Variants in EVC2 observed in about 807,000 individuals in gnomAD.
EVC2 encodes EvC ciliary complex subunit 2, also known as limbin.
In EVC2, 148 loss-of-function variants were observed where a neutral mutation model predicts 149.3. The observed-to-expected ratio is 0.99, with a 90% confidence interval of 0.87 to 1.14. The LOEUF (loss-of-function observed/expected upper bound fraction) is 1.14, where lower values mean the gene tolerates loss of function less well. EVC2 is among the 50% of genes most tolerant of loss of function. The pLI is 0.00. For missense variants in EVC2, 1,854 were observed against 1,627.3 expected (o/e 1.14, Z -2.40); for synonymous variants, 776 against 649.9 (o/e 1.19, Z -2.95).
At chr4:5,584,026 A>G (rs183295098) in intron 17 of EVC2, among the ~76,000 whole-genome samples, 5 of 152,216 alleles carry the variant, frequency 3.3e-5, no homozygotes, top group East Asian at 1.9e-4. Context: ...GAGCATGTCT[A>G]TTTACAACTT....
At chr4:5,535,507 TG>T in the EVC2 span, among the ~76,000 whole-genome samples, 1 of 151,732 alleles carries the variant, frequency 6.6e-6, no homozygotes, top group African/African-American at 2.4e-5. The surrounding 1 kb of genome is among the most constrained non-coding windows in gnomAD (Gnocchi z 4.7). Flanking sequence ...ACAGACTGGG[TG>T]GCTGAAACAA....
chr4:5,599,878 A>G (rs1000489307), intron 16 of EVC2, among the ~76,000 whole-genome samples: 2 of 152,188 alleles, frequency 1.3e-5, no homozygotes, highest in Admixed American at 1.3e-4. Flanking sequence ...ATCAGGAGGA[A>G]AGTAGATTCA....
chr4:5,576,336 T>A lies in EVC2; in HGVS notation c.3176A>T (p.Asn1059Ile). The part of the protein sequence containing the change: ...QWVADGPGIL[N>I]EPGEVDSERQ... The stretch of plus-strand genomic sequence containing the variant: ...TTCAGAATCCACCTCCCCAGGTTCG[T>A]TCAGAATCCCGGGCCCATCGGCCAC... The change falls in exon 18 of 22, where the codon AAC becomes ATC. Residue 1059 changes from asparagine (N) to isoleucine (I), a missense_variant. Physicochemically the swap from Asn to Ile is moderately radical, Grantham distance 149. Transcript: ENST00000344408. The surrounding 1 kb of genome is among the most constrained non-coding windows in gnomAD (Gnocchi z 4.5). The A allele has an allele frequency of 6.2e-7, 1 of 1,614,184 alleles. No homozygotes were observed. The highest frequency in any genetic ancestry group is 8.5e-7 in the Non-Finnish European group (1 of 1,180,034).
At chr4:5,620,772 C>A (rs900741987) in intron 14 of EVC2, among the ~76,000 whole-genome samples, 2 of 152,162 alleles carry the variant, frequency 1.3e-5, no homozygotes, top group African/African-American at 2.4e-5. Flanking sequence ...TAGTAACACT[C>A]CCTGCAAAAC....
At position 5,657,276 on chromosome 4, in the gene EVC2, T is replaced by C. The variant is rs956506106; in HGVS notation, c.1145+5831A>G. The stretch of plus-strand genomic sequence containing the variant: ...TCTGCTGTCCTCACCTTGAACTTCA[T>C]TGAGAAGCATCTGACAGGTTCATCC... On this transcript the variant is annotated intron_variant, in intron 9 of 21. Transcript: ENST00000344408. The surrounding 1 kb of genome is among the most constrained non-coding windows in gnomAD (Gnocchi z 4.7). Among the ~76,000 whole-genome samples, 1 of 152,132 alleles carries C rather than the reference T, an allele frequency of 6.6e-6. No individual in the cohort carries two copies. Among genetic ancestry groups the C allele is most frequent in the Non-Finnish European group, 1.5e-5 (1 of 68,030 alleles).
rs1418801263 is a variant in EVC2 at position 5,613,569 on chromosome 4, A to G, written c.2829+1853T>C. On this transcript the variant is annotated intron_variant, in intron 16 of 21. Coordinates refer to ENST00000344408, the MANE Select transcript of EVC2 (RefSeq NM_147127.5). The surrounding 1 kb of genome is among the most constrained non-coding windows in gnomAD (Gnocchi z 4.6). ...GGAATAAACTGGGACAGCTTGGCTTACCTCTCTCGCTTCTCTTTGGGACCC... is the reference window on the plus strand; with the variant it reads ...GGAATAAACTGGGACAGCTTGGCTTGCCTCTCTCGCTTCTCTTTGGGACCC... 6.6e-6 allele frequency among the ~76,000 whole-genome samples: 1 copy of G among 151,924 alleles called. No individual in the cohort carries two copies. Among genetic ancestry groups the G allele is most frequent in the African/African-American group, 2.4e-5 (1 of 41,368 alleles).
At chr4:5,600,561 A>G (rs529507649) in intron 16 of EVC2, among the ~76,000 whole-genome samples, 1 of 152,296 alleles carries the variant, frequency 6.6e-6, no homozygotes, top group African/African-American at 2.4e-5. Context: ...TGAGAGAGGA[A>G]ACAACAGTGA....
intron 10 of EVC2, among the ~76,000 whole-genome samples, chr4:5,639,429 T>C (rs1717148682): frequency 6.6e-6 from 1 of 152,242 alleles, no homozygotes; most frequent in Non-Finnish European, 1.5e-5. Context: ...CAAGAGCTGA[T>C]TTCTGAGCAA....
chr4:5,531,995 T>C, the EVC2 span, among the ~76,000 whole-genome samples: 1 of 152,058 alleles, frequency 6.6e-6, no homozygotes. Context: ...ACTTGTTACA[T>C]GTATTGTCTG....
the EVC2 span, among the ~76,000 whole-genome samples, chr4:5,530,866 T>C: frequency 1.1e-4 from 17 of 152,202 alleles, no homozygotes; most frequent in Non-Finnish European, 2.2e-4. Context: ...GTGTTAATAG[T>C]ATCATCTAAC....
In EVC2 at chr4:5,625,148, G is replaced by T. The variant is rs1466576743; in HGVS notation, c.2046+601C>A. 6.6e-6 allele frequency among the ~76,000 whole-genome samples: 1 copy of T among 152,002 alleles called. No homozygotes were observed. The highest frequency in any genetic ancestry group is 1.5e-5 in the Non-Finnish European group (1 of 68,006). On this transcript the variant is annotated intron_variant, in intron 13 of 21. Coordinates refer to ENST00000344408, the MANE Select transcript of EVC2 (RefSeq NM_147127.5). This position sits in a 1 kb window ranked among gnomAD's most constrained non-coding sequence, Gnocchi z 4.0. The stretch of plus-strand genomic sequence containing the variant: ...ATTCCCCACTATCCTTGGATGGAAG[G>T]TAACCCCTTAGCACGGCACACCATG...
intron 9 of EVC2, among the ~76,000 whole-genome samples, chr4:5,646,049 C>G (rs992395269): frequency 6.6e-6 from 1 of 152,088 alleles, no homozygotes; most frequent in Non-Finnish European, 1.5e-5. Flanking sequence ...CCTGAGCCTC[C>G]GCCTCCTGAG....
intron 5 of EVC2, among the ~76,000 whole-genome samples, chr4:5,687,752 G>A (rs555333295): frequency 6.6e-6 from 1 of 152,224 alleles, no homozygotes; most frequent in East Asian, 1.9e-4. Context: ...GGTCTCGCAG[G>A]AGCATGGACC....
intron 19 of EVC2, among the ~76,000 whole-genome samples, chr4:5,570,028 T>C (rs1043964999): frequency 6.6e-6 from 1 of 152,174 alleles, no homozygotes; most frequent in Admixed American, 6.5e-5. Context: ...GCGCATTCTT[T>C]TGGACTCTAC....
intron 21 of EVC2, among the ~76,000 whole-genome samples, chr4:5,552,275 A>G (rs1721752364): frequency 6.6e-6 from 1 of 152,216 alleles, no homozygotes; most frequent in Non-Finnish European, 1.5e-5. Context: ...AATGCAATTC[A>G]AGCACAATTT....
chr4:5,681,427 G>A, intron 6 of EVC2, 114 bp from the exon 7 acceptor site: 1 of 1,048,754 alleles, frequency 9.5e-7, no homozygotes, highest in Non-Finnish European at 1.4e-6. Context: ...AGCCCTAACT[G>A]CTGCACAGGT....
chr4:5,563,336 T>C (rs1722071724), intron 21 of EVC2, among the ~76,000 whole-genome samples: 1 of 152,160 alleles, frequency 6.6e-6, no homozygotes, highest in Non-Finnish European at 1.5e-5. Flanking sequence ...TCATGACCAT[T>C]CCATTTTCAG....
At chr4:5,685,771 C>G (rs1367836572) in intron 5 of EVC2, among the ~76,000 whole-genome samples, 1 of 152,200 alleles carries the variant, frequency 6.6e-6, no homozygotes, top group Non-Finnish European at 1.5e-5. Flanking sequence ...GCTGGCTCTC[C>G]TAGCCCTTTC....
chr4:5,653,065 TTG>T (rs1718257887), intron 9 of EVC2, among the ~76,000 whole-genome samples: 1 of 152,166 alleles, frequency 6.6e-6, no homozygotes, highest in Middle Eastern at 3.2e-3. Flanking sequence ...GTTCCTTAGC[TTG>T]CAGCTGCATC....
Sources: allele counts gnomAD v4.1 joint callset (sites outside exome capture counted in the v4.1 genomes callset), GRCh38; gene constraint gnomAD v4.1.1; non-coding constraint Gnocchi (gnomAD v3.1); transcripts MANE v1.5; gene names NCBI Gene and HGNC (gene_info 2026-07-23, HGNC 2026-07-21).